Variants in GRM5 observed in about 807,000 individuals in gnomAD.
GRM5 encodes glutamate metabotropic receptor 5.
Under a neutral mutation model 83.1 loss-of-function variants are expected in GRM5, and 19 were observed. The ratio of observed to expected loss-of-function variants is 0.23; its 90% confidence interval spans 0.16 to 0.34. GRM5 has a LOEUF of 0.34. GRM5 is among the 10% of genes least tolerant of loss of function. The pLI, the probability that GRM5 is intolerant of heterozygous loss-of-function variation, is 1.00. For missense variants in GRM5, 1,160 were observed against 1,588.3 expected, an observed-to-expected ratio of 0.73 and a Z score of 4.58; for synonymous variants, 675 against 633.6, an observed-to-expected ratio of 1.07 and a Z score of -0.98.
At position 89,035,168 on chromosome 11, in the gene GRM5, T is replaced by A. The variant is rs2135130821; in HGVS notation, c.661+12044A>T. 1.3e-5 allele frequency among the ~76,000 whole-genome samples: 2 copies of A among 151,912 alleles called. 1 individual carries two copies. The highest frequency in any genetic ancestry group is 3.9e-4 in the East Asian group (2 of 5,180). ...GTATAATATTTCTGTCTTCATGTAT[T>A]TCCTGTTTTATGAAATCATTTCCAT... On this transcript the variant is annotated intron_variant, in intron 2 of 9. Transcript: ENST00000305447.
chr11:88,789,048 A>G (rs1051465203), intron 3 of GRM5, among the ~76,000 whole-genome samples: 8 of 152,154 alleles, frequency 5.3e-5, no homozygotes, highest in Admixed American at 4.6e-4. Flanking sequence ...ATCTTTTTGG[A>G]CCAATAATGT....
intron 7 of GRM5, among the ~76,000 whole-genome samples, chr11:88,570,424 T>G (rs1312812596): frequency 1.3e-5 from 2 of 151,118 alleles, no homozygotes. Flanking sequence ...TCTAGTCATC[T>G]ACGTTCCCAT....
chr11:88,925,435 C>T (rs1010094539), intron 2 of GRM5, among the ~76,000 whole-genome samples: 66 of 152,066 alleles, frequency 4.3e-4, no homozygotes, highest in African/African-American at 1.4e-3. Context: ...ATTGCTGACC[C>T]GTCATGTATT....
At chr11:88,923,835 C>T (rs648668) in intron 2 of GRM5, among the ~76,000 whole-genome samples, 144,865 of 151,234 alleles carry the variant, frequency 0.96, 69,464 homozygotes, top group East Asian at 0.99. Flanking sequence ...TATTCGTATA[C>T]CTGAATATAT....
At chr11:88,968,015 G>C (rs1285745370) in intron 2 of GRM5, among the ~76,000 whole-genome samples, 2 of 152,094 alleles carry the variant, frequency 1.3e-5, no homozygotes, top group African/African-American at 4.8e-5. Flanking sequence ...ATTCGAATTT[G>C]GATGTGATGT....
intron 3 of GRM5, among the ~76,000 whole-genome samples, chr11:88,794,147 T>A (rs1344455406): frequency 6.6e-6 from 1 of 152,168 alleles, no homozygotes; most frequent in Non-Finnish European, 1.5e-5. Context: ...ATCCTTAATA[T>A]ACCTGGAACA....
chr11:88,991,868 T>C (rs1214223935), intron 2 of GRM5, among the ~76,000 whole-genome samples: 4 of 152,060 alleles, frequency 2.6e-5, no homozygotes, highest in African/African-American at 4.8e-5. Flanking sequence ...CAATTCAAGA[T>C]GGATTAAAGA....
chr11:89,016,321 G>T (rs1051273794), intron 2 of GRM5, among the ~76,000 whole-genome samples: 1 of 150,140 alleles, frequency 6.7e-6, no homozygotes, highest in African/African-American at 2.4e-5. Flanking sequence ...ATACATATAT[G>T]TACATGTTAT....
At chr11:88,810,860 T>C (rs1943577888) in intron 3 of GRM5, among the ~76,000 whole-genome samples, 1 of 152,116 alleles carries the variant, frequency 6.6e-6, no homozygotes, top group Admixed American at 6.6e-5. Context: ...GATAGTCTCC[T>C]TGTGCTCAAA....
intron 3 of GRM5, among the ~76,000 whole-genome samples, chr11:88,696,039 G>A (rs923424415): frequency 2.3e-4 from 35 of 152,138 alleles, no homozygotes; most frequent in African/African-American, 8.5e-4. Context: ...TCTTGCCCTA[G>A]TGTACCAGAA....
intron 2 of GRM5, among the ~76,000 whole-genome samples, chr11:89,037,149 C>T (rs1016291039): frequency 1.3e-4 from 20 of 151,964 alleles, no homozygotes; most frequent in Non-Finnish European, 2.2e-4. Context: ...ATTTTATGTG[C>T]TTGTACCTGT....
intron 3 of GRM5, among the ~76,000 whole-genome samples, chr11:88,778,614 G>T (rs964794783): frequency 6.6e-6 from 1 of 152,102 alleles, no homozygotes; most frequent in Non-Finnish European, 1.5e-5. Context: ...TTTTTATGTT[G>T]TTATTAAAAT....
chr11:88,770,570 C>T (rs1337710907), intron 3 of GRM5, among the ~76,000 whole-genome samples: 1 of 152,018 alleles, frequency 6.6e-6, no homozygotes, highest in Non-Finnish European at 1.5e-5. Context: ...GATGATATAA[C>T]TAAATAGTTC....
At chr11:88,570,571 A>ATATATATATATATTTTTTTT (rs1405339448) in intron 7 of GRM5, among the ~76,000 whole-genome samples, 12 of 46,378 alleles carry the variant, frequency 2.6e-4, no homozygotes, top group Non-Finnish European at 3.5e-4. Flanking sequence ...ATATATATAT[A>ATATATATATATATTTTTTTT]TTTTTTTTTT....
intron 3 of GRM5, among the ~76,000 whole-genome samples, chr11:88,769,845 G>A (rs977196205): frequency 2.0e-5 from 3 of 151,948 alleles, no homozygotes; most frequent in Admixed American, 1.3e-4. Context: ...CCTAAAGGAG[G>A]GAGAGCAAAA....
intron 2 of GRM5, among the ~76,000 whole-genome samples, chr11:88,908,098 TATG>T (rs1054242003): frequency 4.6e-5 from 7 of 152,036 alleles, no homozygotes; most frequent in Non-Finnish European, 8.8e-5. Flanking sequence ...TGAGGGAAAA[TATG>T]AGGCAATATT....
chr11:88,597,652 G>T (rs1482666725), intron 5 of GRM5, among the ~76,000 whole-genome samples: 1 of 152,098 alleles, frequency 6.6e-6, no homozygotes, highest in African/African-American at 2.4e-5. Context: ...AACGAGTACT[G>T]TTAGGCTTCT....
At chr11:88,913,264 A>G (rs1945530147) in intron 2 of GRM5, among the ~76,000 whole-genome samples, 1 of 152,058 alleles carries the variant, frequency 6.6e-6, no homozygotes, top group African/African-American at 2.4e-5. Flanking sequence ...TCCCATGGTG[A>G]TATCTCCTGT....
intron 2 of GRM5, chr11:88,984,633 A>G (rs1565320780): frequency 2.3e-6 from 1 of 439,908 alleles, no homozygotes; most frequent in Non-Finnish European, 4.2e-6. Flanking sequence ...AAGATTATAA[A>G]ATTAGAATAA....
Sources: allele counts gnomAD v4.1 joint callset (sites outside exome capture counted in the v4.1 genomes callset), GRCh38; gene constraint gnomAD v4.1.1; transcripts MANE v1.5; gene names NCBI Gene and HGNC (gene_info 2026-07-23, HGNC 2026-07-21).